HS3ST5: variants seen among roughly 807,000 people sequenced by gnomAD.
HS3ST5 encodes the protein heparan sulfate glucosamine 3-O-sulfotransferase 5.
A neutral mutation model predicts 25.4 loss-of-function variants in HS3ST5; 10 were observed. The observed-to-expected ratio is 0.39, with a 90% CI of 0.24 to 0.67. The LOEUF (loss-of-function observed/expected upper bound fraction) is 0.67. Ranked by LOEUF, HS3ST5 falls within the 30% of genes least tolerant of loss-of-function variation. The probability of loss-of-function intolerance (pLI) is 0.44; values close to 1 mark genes in which losing one functional copy is unlikely to be tolerated. For missense variants in HS3ST5, 324 were observed against 420.7 expected (o/e 0.77, Z 2.01); for synonymous variants, 170 against 162.4 (o/e 1.05, Z -0.36).
chr6:114,279,555 T>C (rs751047611), intron 1 of HS3ST5, among the ~76,000 whole-genome samples: 1 of 152,000 alleles, frequency 6.6e-6, no homozygotes, highest in Non-Finnish European at 1.5e-5. Flanking sequence ...AAATGCCAAA[T>C]GGGGGTGTTC....
chr6:114,325,887 A>G (rs1776153558), intron 1 of HS3ST5, among the ~76,000 whole-genome samples: 1 of 152,148 alleles, frequency 6.6e-6, no homozygotes, highest in Non-Finnish European at 1.5e-5. Context: ...TTCATTCAAC[A>G]AGTATTTATT....
At chr6:114,163,651 G>A (rs1478243526) in intron 3 of HS3ST5, among the ~76,000 whole-genome samples, 1 of 152,078 alleles carries the variant, frequency 6.6e-6, no homozygotes, top group Non-Finnish European at 1.5e-5. Flanking sequence ...TGAAAAATCT[G>A]AGATGAATGA....
chr6:114,324,005 G>T (rs775652813), intron 1 of HS3ST5, among the ~76,000 whole-genome samples: 2 of 152,110 alleles, frequency 1.3e-5, no homozygotes, highest in Admixed American at 6.6e-5. Flanking sequence ...CCCTGCTGGG[G>T]GACACTGGCT....
intron 3 of HS3ST5, among the ~76,000 whole-genome samples, chr6:114,093,909 T>C (rs531127782): frequency 6.6e-6 from 1 of 152,104 alleles, no homozygotes; most frequent in African/African-American, 2.4e-5. Context: ...GTATAGCAAA[T>C]AGAGCACCAG....
At position 114,229,148 on chromosome 6, in the gene HS3ST5, A is replaced by G. The variant is rs752824495; in HGVS notation, c.-338-370T>C. ...CATGAGGCTCTATCACCCCCGTAAA[A>G]GATAAAATGGGATACTTTAAATCCC... is the stretch of plus-strand genomic sequence containing the variant. On this transcript the variant is annotated intron_variant, in intron 1 of 4. Coordinates refer to ENST00000312719, the MANE Select transcript of HS3ST5 (RefSeq NM_153612.4). Among the ~76,000 whole-genome samples the G allele has an allele frequency of 2.6e-5, 4 of 152,208 alleles. No homozygotes were observed. The South Asian group carries it at 8.3e-4, about 32-fold the overall frequency.
At chr6:114,310,106 G>A (rs897746290) in intron 1 of HS3ST5, among the ~76,000 whole-genome samples, 3 of 152,176 alleles carry the variant, frequency 2.0e-5, no homozygotes, top group Non-Finnish European at 4.4e-5. Flanking sequence ...ATGATGGAAT[G>A]ATGGGGGAAA....
chr6:114,071,152 T>G (rs1258253669), intron 3 of HS3ST5, among the ~76,000 whole-genome samples: 2 of 152,238 alleles, frequency 1.3e-5, no homozygotes, highest in Non-Finnish European at 2.9e-5. Flanking sequence ...TCAGTTTTGC[T>G]TCAGGGCCTT....
intron 3 of HS3ST5, among the ~76,000 whole-genome samples, chr6:114,124,286 C>T (rs1034805393): frequency 6.6e-5 from 10 of 152,244 alleles, no homozygotes; most frequent in Admixed American, 4.6e-4. Context: ...CAGGTCAGAC[C>T]TGCCCTGGAC....
At chr6:114,249,746 C>T (rs1772558902) in intron 1 of HS3ST5, among the ~76,000 whole-genome samples, 1 of 152,128 alleles carries the variant, frequency 6.6e-6, no homozygotes, top group South Asian at 2.1e-4. Flanking sequence ...AACCTGGGGC[C>T]TCTGTCATGA....
At chr6:114,327,789 G>A (rs956558078) in intron 1 of HS3ST5, among the ~76,000 whole-genome samples, 49 of 151,988 alleles carry the variant, frequency 3.2e-4, no homozygotes, top group African/African-American at 1.1e-3. Context: ...TATATATCTT[G>A]AGTAATATAT....
intron 2 of HS3ST5, among the ~76,000 whole-genome samples, chr6:114,193,927 C>T (rs946261735): frequency 6.6e-6 from 1 of 152,154 alleles, no homozygotes; most frequent in Non-Finnish European, 1.5e-5. Context: ...ATAGCTGTTT[C>T]ACAGCCCATC....
chr6:114,292,732 C>T (rs967519766), intron 1 of HS3ST5, among the ~76,000 whole-genome samples: 5 of 152,124 alleles, frequency 3.3e-5, no homozygotes, highest in Non-Finnish European at 5.9e-5. Context: ...GGATTTGTTC[C>T]AGGGCTTCCC....
At chr6:114,302,842 G>T (rs7742475) in intron 1 of HS3ST5, among the ~76,000 whole-genome samples, 50,221 of 151,940 alleles carry the variant, frequency 0.33, 9,076 homozygotes, top group Non-Finnish European at 0.41. Flanking sequence ...GAGTGAAAAT[G>T]TTACAAACTG....
At chr6:114,310,472 CA>C (rs1303181006) in intron 1 of HS3ST5, among the ~76,000 whole-genome samples, 1 of 151,668 alleles carries the variant, frequency 6.6e-6, no homozygotes, top group East Asian at 1.9e-4. Flanking sequence ...TTATAAACGG[CA>C]AAAACTTCAA....
At chr6:114,305,171 C>T (rs1489321134) in intron 1 of HS3ST5, among the ~76,000 whole-genome samples, 1 of 152,042 alleles carries the variant, frequency 6.6e-6, no homozygotes, top group East Asian at 1.9e-4. Context: ...TGCAGTTCTC[C>T]TAAATGTTGA....
chr6:114,274,215 T>G (rs894959242), intron 1 of HS3ST5, among the ~76,000 whole-genome samples: 1 of 151,950 alleles, frequency 6.6e-6, no homozygotes, highest in Non-Finnish European at 1.5e-5. Flanking sequence ...GAAGTTCTCT[T>G]CTGATGCTTC....
intron 2 of HS3ST5, among the ~76,000 whole-genome samples, chr6:114,224,567 T>A (rs938844162): frequency 2.0e-5 from 3 of 151,612 alleles, no homozygotes; most frequent in Admixed American, 2.0e-4. Flanking sequence ...TATATCTTTT[T>A]TTGTACTCTT....
intron 1 of HS3ST5, among the ~76,000 whole-genome samples, chr6:114,249,534 T>C (rs1772545311): frequency 6.6e-6 from 1 of 152,228 alleles, no homozygotes; most frequent in Non-Finnish European, 1.5e-5. Flanking sequence ...ACTGAGGAGC[T>C]AATTTCCTCA....
intron 1 of HS3ST5, among the ~76,000 whole-genome samples, chr6:114,241,678 G>A (rs1166941707): frequency 6.6e-6 from 1 of 152,140 alleles, no homozygotes; most frequent in Non-Finnish European, 1.5e-5. Flanking sequence ...CTTTTTATAA[G>A]AGATTTTGAA....
Sources: gnomAD v4.1 joint callset for allele counts (sites outside exome capture counted in the v4.1 genomes callset) on GRCh38, gnomAD v4.1.1 for gene constraint, MANE v1.5 for transcripts, NCBI Gene and HGNC (gene_info 2026-07-23, HGNC 2026-07-21) for gene names.